Variants in TRERF1 observed in about 807,000 individuals in gnomAD.
The protein encoded by TRERF1 is transcriptional-regulating factor 1.
Under a neutral mutation model 122.9 loss-of-function variants are expected in TRERF1, and 27 were observed. The observed-to-expected ratio is 0.22, with a 90% CI of 0.16 to 0.30. The LOEUF (loss-of-function observed/expected upper bound fraction) is 0.30, where lower values mean the gene tolerates loss of function less well. TRERF1 is among the 10% of genes least tolerant of loss of function. The probability of loss-of-function intolerance (pLI) is 1.00; values close to 1 mark genes in which losing one functional copy is unlikely to be tolerated. For missense variants in TRERF1, 1,248 were observed against 1,560.3 expected, an observed-to-expected ratio of 0.80 and a Z score of 3.37; for synonymous variants, 636 against 641.7, an observed-to-expected ratio of 0.99 and a Z score of 0.13.
rs1056675384 is a variant in TRERF1 at position 42,413,718 on chromosome 6, G to A, written c.-454+37459C>T. Among the ~76,000 whole-genome samples, 10 of 152,250 alleles carry A rather than the reference G, an allele frequency of 6.6e-5. 1 individual carries two copies. Among genetic ancestry groups the A allele is most frequent in the Admixed American group, 4.6e-4 (7 of 15,284 alleles). On this transcript the variant is annotated intron_variant, in intron 2 of 17. Coordinates refer to ENST00000372922, the Ensembl canonical transcript of TRERF1. ...GTTGGGATTACAGGCGTGGGCCACC[G>A]CGGCAGCCCAGAATCTGCGTTTTAA...
At chr6:42,258,072 T>A in intron 10 of TRERF1, 63 bp downstream of exon 10, 2 of 1,413,944 alleles carry the variant, frequency 1.4e-6, no homozygotes, top group South Asian at 2.4e-5. Context: ...ACTACAAAAG[T>A]ATTAACTATA....
chr6:42,401,702 C>G (rs1263629860), intron 2 of TRERF1, among the ~76,000 whole-genome samples: 1 of 152,176 alleles, frequency 6.6e-6, no homozygotes, highest in East Asian at 1.9e-4. Flanking sequence ...ACTTACCACT[C>G]TCCACACCCT....
At chr6:42,260,465 C>T (rs1169543729) in intron 8 of TRERF1, among the ~76,000 whole-genome samples, 1 of 152,110 alleles carries the variant, frequency 6.6e-6, no homozygotes, top group African/African-American at 2.4e-5. Flanking sequence ...GAGGATCTGC[C>T]ACATGGATAC....
At position 42,276,105 on chromosome 6, in the gene TRERF1, C is replaced by T. The variant is rs1209939203; in HGVS notation, c.-258-6257G>A. On this transcript the variant is annotated intron_variant, in intron 4 of 17. Coordinates refer to ENST00000372922, the Ensembl canonical transcript of TRERF1. This position sits in a 1 kb window ranked among gnomAD's most constrained non-coding sequence, Gnocchi z 4.3. ...TGGCCTGACCCATGGTTTGCTTGAC[C>T]CCTGTTCTAGAGCATCAAAGTCTCT... 6.6e-6 allele frequency among the ~76,000 whole-genome samples: 1 copy of T among 152,156 alleles called. No individual in the cohort carries two copies. The highest frequency in any genetic ancestry group is 1.5e-5 in the Non-Finnish European group (1 of 68,024).
In TRERF1 at chr6:42,420,830, A is replaced by G. The variant is rs1040587235; in HGVS notation, c.-454+30347T>C. Among the ~76,000 whole-genome samples, 5 of 152,180 alleles carry G rather than the reference A, an allele frequency of 3.3e-5. No individual in the cohort carries two copies. The East Asian group carries it at 7.8e-4, about 24-fold the overall frequency. ...GGGGGGATTACTATGATCCAATCCA[A>G]TCTCCCACTGAGGTAGAAGAAGGTG... On this transcript the variant is annotated intron_variant, in intron 2 of 17. Coordinates refer to ENST00000372922, the Ensembl canonical transcript of TRERF1.
chr6:42,235,424 T>C (rs1771906788), intron 16 of TRERF1, among the ~76,000 whole-genome samples: 1 of 152,196 alleles, frequency 6.6e-6, no homozygotes, highest in South Asian at 2.1e-4. Flanking sequence ...AAATAACCTT[T>C]AAAAATATCC....
intron 3 of TRERF1, among the ~76,000 whole-genome samples, chr6:42,335,650 A>AT (rs1430968514): frequency 6.6e-6 from 1 of 152,160 alleles, no homozygotes; most frequent in African/African-American, 2.4e-5. Context: ...CTAGGCACTT[A>AT]TTCATGTGCA....
At position 42,236,195 on chromosome 6, in the gene TRERF1, A is replaced by T. The variant is rs755281039; in HGVS notation, c.3066+10T>A. 5 of 1,555,998 alleles carry T rather than the reference A, an allele frequency of 3.2e-6. No individual in the cohort carries two copies. The highest frequency in any genetic ancestry group is 1.7e-6 in the Non-Finnish European group (2 of 1,156,452). On this transcript the variant is annotated intron_variant, in intron 16 of 17. Transcript: ENST00000372922. The stretch of plus-strand genomic sequence containing the variant: ...TGTCCCAGATCCCCAGACGACACAG[A>T]CACACTTACAGCCCCACAGTTGGGC...
At chr6:42,407,489 A>G (rs2151411914) in intron 2 of TRERF1, among the ~76,000 whole-genome samples, 1 of 152,320 alleles carries the variant, frequency 6.6e-6, no homozygotes, top group Middle Eastern at 3.4e-3. Flanking sequence ...CCGGCTCGAC[A>G]AAGAGAATGC....
chr6:42,295,277 C>G (rs555950864), intron 4 of TRERF1, among the ~76,000 whole-genome samples: 16 of 152,308 alleles, frequency 1.1e-4, no homozygotes, highest in Admixed American at 2.6e-4. Flanking sequence ...TTGCCAATCC[C>G]TGTTTTACAG....
chr6:42,406,455 C>A (rs1780191415), intron 2 of TRERF1, among the ~76,000 whole-genome samples: 1 of 152,184 alleles, frequency 6.6e-6, no homozygotes, highest in Admixed American at 6.5e-5. Flanking sequence ...GGCCTCTGTC[C>A]TGGACCCAAG....
At chr6:42,323,010 T>C (rs868713803) in intron 3 of TRERF1, among the ~76,000 whole-genome samples, 1 of 151,642 alleles carries the variant, frequency 6.6e-6, no homozygotes, top group African/African-American at 2.4e-5. Flanking sequence ...AGAGGATAAC[T>C]AGCACCTATT....
intron 2 of TRERF1, among the ~76,000 whole-genome samples, chr6:42,416,275 T>A (rs546804600): frequency 6.6e-6 from 1 of 152,310 alleles, no homozygotes; most frequent in African/African-American, 2.4e-5. Context: ...TATATAATTA[T>A]GGTGTTTAAT....
At chr6:42,407,947 G>C (rs1215607057) in intron 2 of TRERF1, among the ~76,000 whole-genome samples, 2 of 151,042 alleles carry the variant, frequency 1.3e-5, no homozygotes, top group African/African-American at 4.9e-5. Flanking sequence ...CCACTGTATT[G>C]TTTTCACAGC....
intron 2 of TRERF1, among the ~76,000 whole-genome samples, chr6:42,364,085 C>T (rs375129747): frequency 2.6e-5 from 4 of 152,370 alleles, no homozygotes; most frequent in Middle Eastern, 6.8e-3. Context: ...CCACAGTCCA[C>T]ATGACTTGGC....
At chr6:42,439,131 A>C (rs978280074) in intron 2 of TRERF1, among the ~76,000 whole-genome samples, 3 of 152,230 alleles carry the variant, frequency 2.0e-5, no homozygotes, top group Admixed American at 2.0e-4. Context: ...CATCACTGCC[A>C]CTTGCCCCTG....
Position 42,259,403 on chromosome 6 carries a change from G to T in TRERF1, c.2205C>A (p.Gly735=), listed in dbSNP as rs772912345. 2 of 1,539,080 alleles carry T rather than the reference G, an allele frequency of 1.3e-6. No individual in the cohort carries two copies. The highest frequency in any genetic ancestry group is 1.7e-6 in the Non-Finnish European group (2 of 1,152,014). ...GCGTCAGGGGCAGCTGCGGGTGGGC[G>T]CCAGGGCCGTGGCCGGAGATGAGGA... The change falls in exon 9 of 18, where the codon GGC becomes GGA. Residue 735 remains glycine, a synonymous_variant. Transcript: ENST00000372922. This position sits in a 1 kb window ranked among gnomAD's most constrained non-coding sequence, Gnocchi z 4.9.
intron 3 of TRERF1, among the ~76,000 whole-genome samples, chr6:42,362,295 G>A (rs142146841): frequency 2.0e-3 from 305 of 152,318 alleles, no homozygotes; most frequent in African/African-American, 7.1e-3. Flanking sequence ...AATGGAAAGC[G>A]TGGCACATGC....
chr6:42,287,785 T>A (rs1278804671), intron 4 of TRERF1, among the ~76,000 whole-genome samples: 1 of 152,120 alleles, frequency 6.6e-6, no homozygotes, highest in South Asian at 2.1e-4. Flanking sequence ...TCCATGCTCC[T>A]CTGGTCGGGT....
Sources: allele counts gnomAD v4.1 joint callset (sites outside exome capture counted in the v4.1 genomes callset), GRCh38; gene constraint gnomAD v4.1.1; non-coding constraint Gnocchi (gnomAD v3.1); transcripts MANE v1.5; gene names NCBI Gene and HGNC (gene_info 2026-07-23, HGNC 2026-07-21).